LRP1B: variants seen among roughly 807,000 people sequenced by gnomAD.
LRP1B encodes the protein low-density lipoprotein receptor-related protein 1B.
A neutral mutation model predicts 556.6 loss-of-function variants in LRP1B; 217 were observed. The observed-to-expected ratio is 0.39, with a 90% confidence interval of 0.35 to 0.44. LRP1B has a LOEUF of 0.44. Among genes scored for constraint, LRP1B ranks in the 20% least tolerant of loss-of-function variants. The pLI is 1.00. For synonymous variants in LRP1B, 2,047 were observed against 1,865.8 expected (o/e 1.10, Z -2.50); for missense variants, 5,053 against 5,620.8 (o/e 0.90, Z 3.23).
At chr2:141,150,425 T>C (rs750442264) in intron 7 of LRP1B, among the ~76,000 whole-genome samples, 1 of 152,184 alleles carries the variant, frequency 6.6e-6, no homozygotes, top group Non-Finnish European at 1.5e-5. Context: ...CTTTTTCCCA[T>C]TTCTATTTCT....
At chr2:141,555,529 A>G (rs1685929701) in intron 2 of LRP1B, among the ~76,000 whole-genome samples, 1 of 151,938 alleles carries the variant, frequency 6.6e-6, no homozygotes, top group Non-Finnish European at 1.5e-5. Flanking sequence ...TAAATGAGTA[A>G]ACATGAAAAT....
chr2:141,080,527 G>A (rs551965369), intron 7 of LRP1B, among the ~76,000 whole-genome samples: 57 of 152,188 alleles, frequency 3.7e-4, no homozygotes, highest in African/African-American at 1.3e-3. Flanking sequence ...TTGAACAAAC[G>A]TGGTAGCATA....
intron 3 of LRP1B, among the ~76,000 whole-genome samples, chr2:141,368,789 T>C (rs1054284889): frequency 6.6e-6 from 1 of 152,196 alleles, no homozygotes; most frequent in Non-Finnish European, 1.5e-5. Flanking sequence ...TAAGAATAGG[T>C]GAATCTTAAC....
At chr2:141,552,480 T>C (rs1685789998) in intron 2 of LRP1B, among the ~76,000 whole-genome samples, 1 of 151,980 alleles carries the variant, frequency 6.6e-6, no homozygotes, top group South Asian at 2.1e-4. Flanking sequence ...TTATAGTAGA[T>C]ATGACCATAA....
At chr2:141,158,301 A>G (rs1438944053) in intron 7 of LRP1B, among the ~76,000 whole-genome samples, 1 of 152,232 alleles carries the variant, frequency 6.6e-6, no homozygotes, top group Non-Finnish European at 1.5e-5. Flanking sequence ...ATTTGAAGTC[A>G]AGAGCAGCTG....
At chr2:140,488,632 T>C (rs1476056784) in intron 57 of LRP1B, among the ~76,000 whole-genome samples, 1 of 152,048 alleles carries the variant, frequency 6.6e-6, no homozygotes, top group Non-Finnish European at 1.5e-5. Flanking sequence ...TTAAAGATTA[T>C]ACATTTACTA....
At chr2:141,545,504 A>G (rs1437472101) in intron 2 of LRP1B, among the ~76,000 whole-genome samples, 1 of 152,136 alleles carries the variant, frequency 6.6e-6, no homozygotes, top group Non-Finnish European at 1.5e-5. Flanking sequence ...TGAAAAGATA[A>G]TTCTGGATTA....
intron 2 of LRP1B, among the ~76,000 whole-genome samples, chr2:141,795,900 A>ATATATATATATATATAT (rs1553465421): frequency 2.5e-5 from 2 of 78,980 alleles, no homozygotes; most frequent in Admixed American, 1.2e-4. Flanking sequence ...ATATATATAT[A>ATATATATATATATATAT]ATCTTTAAGC....
At chr2:141,385,965 T>C (rs192054352) in intron 3 of LRP1B, among the ~76,000 whole-genome samples, 7 of 152,304 alleles carry the variant, frequency 4.6e-5, no homozygotes, top group Non-Finnish European at 1.0e-4. Context: ...ATAAATGTAA[T>C]AAAATGATTG....
At chr2:140,542,208 TTTA>T (rs1680163517) in intron 43 of LRP1B, among the ~76,000 whole-genome samples, 1 of 152,116 alleles carries the variant, frequency 6.6e-6, no homozygotes, top group East Asian at 1.9e-4. Flanking sequence ...CAAGTATACT[TTTA>T]TTTAATTATT....
intron 3 of LRP1B, among the ~76,000 whole-genome samples, chr2:141,418,817 A>T (rs1464237497): frequency 6.6e-6 from 1 of 152,028 alleles, no homozygotes; most frequent in African/African-American, 2.4e-5. Context: ...TCTGTAGATC[A>T]CTTTGAATAG....
chr2:140,450,684 A>G (rs2105314190), intron 62 of LRP1B, 23 bp from the exon 63 acceptor site: 1 of 1,549,290 alleles, frequency 6.5e-7, no homozygotes, highest in Non-Finnish European at 8.8e-7. Flanking sequence ...AAAAAGAAAA[A>G]AAAATGTTGA....
intron 41 of LRP1B, among the ~76,000 whole-genome samples, chr2:140,677,344 T>C (rs1399133610): frequency 1.1e-4 from 17 of 152,182 alleles, no homozygotes; most frequent in Middle Eastern, 3.4e-3. Flanking sequence ...ATAGGAAAGG[T>C]GGAGAGGACA....
chr2:140,232,743 CA>C lies in LRP1B; in HGVS notation c.*442del, dbSNP rs1680523848. 2.6e-5 allele frequency: 4 copies of C among 151,726 alleles called. No homozygotes were observed. The highest frequency in any genetic ancestry group is 5.9e-5 in the Non-Finnish European group (4 of 67,640). 9.4% of individuals were successfully genotyped at this position (151,726 alleles called of 1,614,324 possible). A position where few individuals can be genotyped will look rare whatever the true frequency, so the allele number is the denominator to read the frequency against. ...TATGGGCACAAAGAAGAGAGTTGACCATTCAATCATTTTTCCATCAATTTAA... is the reference window on the plus strand; with the variant it reads ...TATGGGCACAAAGAAGAGAGTTGACCTTCAATCATTTTTCCATCAATTTAA... On this transcript the variant is annotated 3_prime_UTR_variant, in exon 91 of 91. Coordinates refer to ENST00000389484, the MANE Select transcript of LRP1B (RefSeq NM_018557.3).
intron 2 of LRP1B, among the ~76,000 whole-genome samples, chr2:141,774,684 A>G (rs535365995): frequency 1.4e-4 from 22 of 152,214 alleles, no homozygotes; most frequent in Admixed American, 7.9e-4. Flanking sequence ...TTTTGGAAAC[A>G]CCGTCCCTTC....
chr2:142,105,663 G>T (rs1559073378), intron 1 of LRP1B, among the ~76,000 whole-genome samples: 1 of 152,128 alleles, frequency 6.6e-6, no homozygotes, highest in African/African-American at 2.4e-5. Flanking sequence ...TAGCACTGAA[G>T]ATTTGTATTT....
At chr2:141,474,303 T>G (rs986521162) in intron 3 of LRP1B, among the ~76,000 whole-genome samples, 4 of 152,152 alleles carry the variant, frequency 2.6e-5, no homozygotes, top group Admixed American at 1.3e-4. Context: ...AAGTAAGAAG[T>G]TTAAAGAATT....
intron 10 of LRP1B, among the ~76,000 whole-genome samples, chr2:141,053,828 ATGTG>A (rs59661474): frequency 1.3e-4 from 19 of 150,246 alleles, no homozygotes; most frequent in East Asian, 4.0e-4. Flanking sequence ...GTGTGTATAT[ATGTG>A]TGTGTGTGTG....
intron 2 of LRP1B, among the ~76,000 whole-genome samples, chr2:141,610,105 T>A (rs780834770): frequency 2.0e-5 from 3 of 152,122 alleles, no homozygotes; most frequent in Non-Finnish European, 4.4e-5. Flanking sequence ...AGCTCTCTCT[T>A]AACTTTGAAA....
Sources: allele counts gnomAD v4.1 joint callset (sites outside exome capture counted in the v4.1 genomes callset), GRCh38; gene constraint gnomAD v4.1.1; transcripts MANE v1.5; gene names NCBI Gene and HGNC (gene_info 2026-07-23, HGNC 2026-07-21).